The following CADPS2 variants were observed in gnomAD, a reference collection of about 807,000 sequenced individuals.
The protein encoded by CADPS2 is calcium dependent secretion activator 2.
Under a neutral mutation model 172.5 loss-of-function variants are expected in CADPS2, and 93 were observed. That is an observed-to-expected ratio of 0.54 (90% confidence interval 0.46 to 0.64). The LOEUF (loss-of-function observed/expected upper bound fraction) is 0.64. CADPS2 is among the 30% of genes least tolerant of loss of function. CADPS2 has a pLI of 0.00. For synonymous variants in CADPS2, 546 were observed against 555.2 expected (o/e 0.98, Z 0.23); for missense variants, 1,420 against 1,565.9 (o/e 0.91, Z 1.57).
chr7:122,576,917 G>T (rs1190679721), intron 7 of CADPS2, among the ~76,000 whole-genome samples: 1 of 151,710 alleles, frequency 6.6e-6, no homozygotes, highest in Non-Finnish European at 1.5e-5. Flanking sequence ...CCACCACCAC[G>T]CCTGGATAAT....
chr7:122,676,753 A>G, intron 2 of CADPS2: 1 of 1,305,534 alleles, frequency 7.7e-7, no homozygotes, highest in Non-Finnish European at 1.1e-6. Flanking sequence ...CCAGATTATC[A>G]TGGAGAAACT....
At chr7:122,474,997 T>G (rs1304381043) in intron 12 of CADPS2, among the ~76,000 whole-genome samples, 1 of 152,158 alleles carries the variant, frequency 6.6e-6, no homozygotes, top group Non-Finnish European at 1.5e-5. Flanking sequence ...GGGACCATCC[T>G]TAATGTAAAA....
At chr7:122,597,258 C>A (rs1370424917) in intron 6 of CADPS2, among the ~76,000 whole-genome samples, 2 of 152,054 alleles carry the variant, frequency 1.3e-5, no homozygotes, top group East Asian at 3.9e-4. Context: ...AAAATAGAAA[C>A]ACTAATAAGT....
intron 2 of CADPS2, among the ~76,000 whole-genome samples, chr7:122,714,656 C>T (rs1336518967): frequency 6.6e-6 from 1 of 152,088 alleles, no homozygotes; most frequent in Non-Finnish European, 1.5e-5. Flanking sequence ...CAAGAGGAGA[C>T]TAGCACAAGA....
intron 1 of CADPS2, among the ~76,000 whole-genome samples, chr7:122,772,588 T>G (rs902406132): frequency 2.0e-5 from 3 of 152,116 alleles, no homozygotes; most frequent in African/African-American, 7.2e-5. Flanking sequence ...GTAAGAATAA[T>G]TGTTTAAGGT....
In CADPS2 at chr7:122,388,576, T is replaced by C. The variant is rs920120087; in HGVS notation, c.3164+7A>G. On this transcript the variant is annotated splice_region_variant and intron_variant, in intron 23 of 29. Transcript: ENST00000449022. ...CATTAAGCAGCAATTTGAAAATACA[T>C]GTCTACCTTTTGACACAGGCCTCTA... 2 of 1,574,756 alleles carry C rather than the reference T, an allele frequency of 1.3e-6. No homozygotes were observed. The highest frequency in any genetic ancestry group is 1.7e-6 in the Non-Finnish European group (2 of 1,157,408).
intron 7 of CADPS2, among the ~76,000 whole-genome samples, chr7:122,568,299 A>AT (rs1277008248): frequency 5.9e-5 from 9 of 152,096 alleles, no homozygotes; most frequent in African/African-American, 2.2e-4. Context: ...GATAAAGTAG[A>AT]TTTTTAAAGT....
chr7:122,639,594 C>T (rs537045576), intron 3 of CADPS2, among the ~76,000 whole-genome samples: 11 of 152,260 alleles, frequency 7.2e-5, no homozygotes, highest in Admixed American at 3.9e-4. Flanking sequence ...ACCATAAAGA[C>T]ACTCCATAGC....
chr7:122,698,666 C>T, intron 2 of CADPS2: 2 of 1,613,984 alleles, frequency 1.2e-6, no homozygotes, highest in Non-Finnish European at 8.5e-7. Flanking sequence ...GGATTACATG[C>T]ATTTTGGATT....
chr7:122,670,464 G>A (rs1487854895), intron 2 of CADPS2, among the ~76,000 whole-genome samples: 7 of 152,042 alleles, frequency 4.6e-5, no homozygotes, highest in African/African-American at 4.8e-5. Context: ...CCAGCCACTC[G>A]GGAGGCCAAG....
At chr7:122,338,561 T>C (rs1020870738) in intron 28 of CADPS2, among the ~76,000 whole-genome samples, 3 of 152,224 alleles carry the variant, frequency 2.0e-5, no homozygotes, top group Non-Finnish European at 4.4e-5. Context: ...AGGAAAATCA[T>C]GGTTGGACAT....
intron 1 of CADPS2, among the ~76,000 whole-genome samples, chr7:122,740,869 A>G (rs1197243897): frequency 6.6e-6 from 1 of 152,166 alleles, no homozygotes; most frequent in Non-Finnish European, 1.5e-5. Context: ...ATGTTCAGAT[A>G]AAAGACTTAA....
chr7:122,490,535 A>G (rs1388538347), intron 10 of CADPS2, among the ~76,000 whole-genome samples: 1 of 152,192 alleles, frequency 6.6e-6, no homozygotes, highest in Admixed American at 6.5e-5. Flanking sequence ...GTATCATTCT[A>G]CAAGACATAT....
At chr7:122,443,597 T>C (rs1287331386) in intron 15 of CADPS2, among the ~76,000 whole-genome samples, 1 of 151,450 alleles carries the variant, frequency 6.6e-6, no homozygotes, top group East Asian at 1.9e-4. Flanking sequence ...AGTATTTTTT[T>C]TTTTTACCAA....
chr7:122,561,835 T>C (rs2065821046), intron 7 of CADPS2, among the ~76,000 whole-genome samples: 1 of 152,188 alleles, frequency 6.6e-6, no homozygotes, highest in African/African-American at 2.4e-5. Flanking sequence ...CTAAGCCTTC[T>C]TAATCACAGT....
intron 11 of CADPS2, among the ~76,000 whole-genome samples, chr7:122,481,162 CTTTTT>C (rs35352953): frequency 6.5e-5 from 7 of 107,534 alleles, no homozygotes; most frequent in Admixed American, 1.1e-4. Flanking sequence ...TTTCTTCATT[CTTTTT>C]TTTTTTTTTT....
chr7:122,320,355 A>C lies in CADPS2; in HGVS notation c.3718-17T>G. The C allele has an allele frequency of 6.4e-7, 1 of 1,570,424 alleles. No homozygotes were observed. The highest frequency in any genetic ancestry group is 8.6e-7 in the Non-Finnish European group (1 of 1,157,734). On this transcript the variant is annotated splice_polypyrimidine_tract_variant and intron_variant, in intron 29 of 29. Transcript: ENST00000449022. ...GTAGGTTTTCTGAAGAAAGAAGATA[A>C]AATTTGCTTAGCTCACTTAGATTAT...
chr7:122,675,062 T>C (rs1239359076), intron 2 of CADPS2, among the ~76,000 whole-genome samples: 7 of 152,214 alleles, frequency 4.6e-5, no homozygotes, highest in Admixed American at 4.6e-4. Context: ...TACTTCCTGA[T>C]TCATACGTGT....
chr7:122,769,459 C>G (rs1051007459), intron 1 of CADPS2, among the ~76,000 whole-genome samples: 2 of 152,028 alleles, frequency 1.3e-5, no homozygotes, highest in South Asian at 4.2e-4. Flanking sequence ...CATTCAAATA[C>G]GTCACCTACA....
Sources: allele counts gnomAD v4.1 joint callset (sites outside exome capture counted in the v4.1 genomes callset), GRCh38; gene constraint gnomAD v4.1.1; transcripts MANE v1.5; gene names NCBI Gene and HGNC (gene_info 2026-07-23, HGNC 2026-07-21).